Variants in FAAP20 observed in about 807,000 individuals in gnomAD.
The protein encoded by FAAP20 is FA core complex associated protein 20, also known as Fanconi anemia core complex-associated protein 20.
A neutral mutation model predicts 16.2 loss-of-function variants in FAAP20; 12 were observed. That is an observed-to-expected ratio of 0.74 (90% CI 0.48 to 1.20). The LOEUF is 1.20. FAAP20 is among the 50% of genes most tolerant of loss of function. The probability of loss-of-function intolerance (pLI) is 0.00; values close to 1 mark genes in which losing one functional copy is unlikely to be tolerated. For synonymous variants in FAAP20, 141 were observed against 110.7 expected (o/e 1.27, Z -1.72); for missense variants, 288 against 245.8 (o/e 1.17, Z -1.15).
At chr1:2,193,057 A>G (rs1688423950) in intron 3 of FAAP20, 1 of 1,265,154 alleles carries the variant, frequency 7.9e-7, no homozygotes, top group South Asian at 1.3e-5. Flanking sequence ...AACTCAACCA[A>G]AAGTTACGAA....
At chr1:2,205,937 T>G (rs986696744) in intron 3 of FAAP20, among the ~76,000 whole-genome samples, 1 of 152,354 alleles carries the variant, frequency 6.6e-6, no homozygotes, top group Admixed American at 6.5e-5. Context: ...CTTCATTCCT[T>G]TTCGGTCTGA....
At chr1:2,186,300 T>G (rs1320956357), downstream of FAAP20, 1 of 237,882 alleles carries the variant, frequency 4.2e-6, no homozygotes, top group Non-Finnish European at 8.8e-6. Context: ...GTGCCGCGCC[T>G]TGCCTTGCCT....
chr1:2,202,676 A>G (rs1222783481), upstream of FAAP20, among the ~76,000 whole-genome samples: 1 of 151,156 alleles, frequency 6.6e-6, no homozygotes, highest in East Asian at 2.0e-4. Flanking sequence ...GGATTTTGCC[A>G]TGTTGCCCAG....
In FAAP20 at chr1:2,193,894, G is replaced by C; in HGVS notation, c.215C>G (p.Pro72Arg). The change falls in exon 3 of 4, where the codon CCG becomes CGG. Residue 72 changes from proline to arginine, a missense_variant. Pro to Arg is a moderately radical substitution (Grantham distance 103, BLOSUM62 -2). Transcript: ENST00000378546. Reference protein sequence around the residue: ...AFPGQEPRCGPEPTEVFTVGP... With the variant: ...AFPGQEPRCGREPTEVFTVGP... ...GACAGTGAAGACTTCAGTGGGCTCCGGGCCGCACCTGGGCTCCTGCAACAC... is the reference window on the plus strand; with the variant it reads ...GACAGTGAAGACTTCAGTGGGCTCCCGGCCGCACCTGGGCTCCTGCAACAC... The C allele has an allele frequency of 1.2e-6, 2 of 1,612,248 alleles. No homozygotes were observed. The highest frequency in any genetic ancestry group is 1.7e-6 in the Non-Finnish European group (2 of 1,179,766).
At chr1:2,201,292 G>A (rs770005035), upstream of FAAP20, 93 of 1,115,424 alleles carry the variant, frequency 8.3e-5, no homozygotes, top group Non-Finnish European at 9.2e-5. Context: ...TCAGGGACAC[G>A]CACGGTGAGC....
chr1:2,200,991 C>G (rs1689027132), upstream of FAAP20: 1 of 1,248,810 alleles, frequency 8.0e-7, no homozygotes, highest in Non-Finnish European at 1.0e-6. Context: ...TGGGGACAGC[C>G]CTTGATGTCC....
chr1:2,186,184 G>A (rs1274734682), downstream of FAAP20: 1 of 402,920 alleles, frequency 2.5e-6, no homozygotes, highest in South Asian at 1.8e-5. Flanking sequence ...AGCCCTCTTG[G>A]CCAGGCGCAG....
chr1:2,207,936 G>C (rs1163368212), downstream of FAAP20, among the ~76,000 whole-genome samples: 1 of 111,940 alleles, frequency 8.9e-6, no homozygotes, highest in Non-Finnish European at 2.2e-5. Flanking sequence ...GTGTGTGTGT[G>C]TGTGTGTGTG....
At chr1:2,193,161 G>A (rs1688437652) in intron 3 of FAAP20, 1 of 388,272 alleles carries the variant, frequency 2.6e-6, no homozygotes, top group Admixed American at 3.9e-5. Context: ...TGGGCAGTTT[G>A]GGTTATCTTG....
chr1:2,188,787 C>T (rs1277711643), downstream of FAAP20, among the ~76,000 whole-genome samples: 5 of 152,008 alleles, frequency 3.3e-5, no homozygotes, highest in African/African-American at 4.8e-5. Flanking sequence ...GGGCGGATCA[C>T]GAGGTCAGGA....
chr1:2,194,568 C>T, intron 1 of FAAP20, 120 bp downstream of exon 1: 1 of 326,670 alleles, frequency 3.1e-6, no homozygotes, highest in Non-Finnish European at 4.2e-6. Flanking sequence ...GCGTGGGGGC[C>T]GGGCCCGGGG....
chr1:2,199,632 G>A (rs1340616169), upstream of FAAP20: 34 of 985,686 alleles, frequency 3.4e-5, no homozygotes, highest in South Asian at 4.7e-5. This position sits in a 1 kb window ranked among gnomAD's most constrained non-coding sequence, Gnocchi z 4.5. Context: ...AGCACTGTGG[G>A]TTGAGCAGCG....
downstream of FAAP20, chr1:2,189,450 G>A (rs988056709): frequency 7.3e-6 from 4 of 549,732 alleles, no homozygotes; most frequent in Admixed American, 3.1e-5. Flanking sequence ...GGCGCCAGGG[G>A]AAAGGGGTCA....
chr1:2,203,534 G>T, upstream of FAAP20: 4 of 985,898 alleles, frequency 4.1e-6, no homozygotes, highest in South Asian at 9.4e-5. Context: ...GGGAAGGTAG[G>T]CAGCTCTGGA....
chr1:2,185,485 G>T (rs1189051263), downstream of FAAP20: 1 of 718,254 alleles, frequency 1.4e-6, no homozygotes, highest in South Asian at 1.5e-5. Flanking sequence ...GAGCCAGCGG[G>T]ACACAGGTGG....
chr1:2,205,458 A>G (rs981405972), intron 3 of FAAP20, among the ~76,000 whole-genome samples: 6 of 151,138 alleles, frequency 4.0e-5, no homozygotes, highest in Admixed American at 3.3e-4. Context: ...CTCCAGGTCC[A>G]CAGGCCCAGC....
chr1:2,186,461 G>A (rs186380456), downstream of FAAP20, among the ~76,000 whole-genome samples: 757 of 151,346 alleles, frequency 5.0e-3, 11 homozygotes, highest in African/African-American at 0.017. Flanking sequence ...GCATACTGCC[G>A]GCCCATTCCC....
At chr1:2,192,917 T>C (rs1358557826) in intron 3 of FAAP20, 1 of 1,304,024 alleles carries the variant, frequency 7.7e-7, no homozygotes, top group Non-Finnish European at 1.0e-6. Flanking sequence ...TTGTTGTTGT[T>C]GTTGTTGGCT....
At chr1:2,184,716 C>A (rs771601445), downstream of FAAP20, 10 of 1,604,186 alleles carry the variant, frequency 6.2e-6, no homozygotes, top group Admixed American at 1.7e-5. Flanking sequence ...CCACTGGGTG[C>A]GGGTCCCTGG....
Sources: gnomAD v4.1 joint callset for allele counts (sites outside exome capture counted in the v4.1 genomes callset) on GRCh38, gnomAD v4.1.1 for gene constraint, Gnocchi (gnomAD v3.1) non-coding constraint, MANE v1.5 for transcripts, NCBI Gene and HGNC (gene_info 2026-07-23, HGNC 2026-07-21) for gene names.